CABCOCO1: variants seen among roughly 807,000 people sequenced by gnomAD.
CABCOCO1 encodes the protein ciliary-associated calcium-binding coiled-coil protein 1.
A neutral mutation model predicts 35.7 loss-of-function variants in CABCOCO1; 28 were observed. That is an observed-to-expected ratio of 0.78 (90% CI 0.58 to 1.07). The LOEUF (loss-of-function observed/expected upper bound fraction) is 1.07. Ranked by LOEUF, CABCOCO1 falls within the 50% of genes least tolerant of loss-of-function variation. The pLI, the probability that CABCOCO1 is intolerant of heterozygous loss-of-function variation, is 0.00. For missense variants in CABCOCO1, 326 were observed against 309.2 expected, an observed-to-expected ratio of 1.05 and a Z score of -0.41; for synonymous variants, 95 against 100.1, an observed-to-expected ratio of 0.95 and a Z score of 0.30.
chr10:61,678,145 A>C (rs1414743734), intron 2 of CABCOCO1, among the ~76,000 whole-genome samples: 1 of 152,048 alleles, frequency 6.6e-6, no homozygotes, highest in Non-Finnish European at 1.5e-5. Flanking sequence ...TGAAGAATTT[A>C]TACTTCCTCT....
At chr10:61,676,541 G>A (rs1160715834) in intron 2 of CABCOCO1, among the ~76,000 whole-genome samples, 1 of 152,106 alleles carries the variant, frequency 6.6e-6, no homozygotes, top group Non-Finnish European at 1.5e-5. Context: ...TTGAAAGTGA[G>A]TGATTGCAAA....
chr10:61,755,730 C>T (rs575742049), intron 5 of CABCOCO1, among the ~76,000 whole-genome samples: 12 of 152,056 alleles, frequency 7.9e-5, no homozygotes, highest in South Asian at 2.1e-4. Context: ...AAACACTACA[C>T]ACAAATCACT....
chr10:61,727,890 T>C (rs1441866354), intron 5 of CABCOCO1, among the ~76,000 whole-genome samples: 3 of 152,206 alleles, frequency 2.0e-5, no homozygotes, highest in African/African-American at 7.2e-5. Context: ...TCCCTCTATA[T>C]ATAAACTATT....
chr10:61,664,841 T>C lies in CABCOCO1; in HGVS notation c.60+1809T>C, dbSNP rs76314013. Among the ~76,000 whole-genome samples, 755 of 152,330 alleles carry C rather than the reference T, an allele frequency of 5.0e-3. 4 individuals carry two copies. Among genetic ancestry groups the C allele is most frequent in the African/African-American group, 0.017 (691 of 41,564 alleles). ...CTGATTGGGGGTGTCGTATGTTAGATAGAAAAATGGCAAGATTCTCTCTTG... is the reference window on the plus strand; with the variant it reads ...CTGATTGGGGGTGTCGTATGTTAGACAGAAAAATGGCAAGATTCTCTCTTG... On this transcript the variant is annotated intron_variant, in intron 1 of 7. Transcript: ENST00000648843.
intron 5 of CABCOCO1, among the ~76,000 whole-genome samples, chr10:61,701,108 T>C (rs1011873646): frequency 7.9e-5 from 12 of 152,042 alleles, no homozygotes; most frequent in African/African-American, 1.7e-4. Flanking sequence ...CACTTTCTCT[T>C]TCCTTTATGC....
At chr10:61,752,943 A>G (rs1399063649) in intron 5 of CABCOCO1, among the ~76,000 whole-genome samples, 1 of 152,156 alleles carries the variant, frequency 6.6e-6, no homozygotes, top group African/African-American at 2.4e-5. Flanking sequence ...GCCTCCTCCT[A>G]TTCAGGTAGT....
intron 5 of CABCOCO1, among the ~76,000 whole-genome samples, chr10:61,721,463 A>G (rs891619449): frequency 6.6e-6 from 1 of 152,160 alleles, no homozygotes; most frequent in Admixed American, 6.5e-5. Context: ...GATATTTGGG[A>G]GTAATTTTAT....
chr10:61,674,811 A>G (rs1287497707), intron 2 of CABCOCO1, among the ~76,000 whole-genome samples: 1 of 152,208 alleles, frequency 6.6e-6, no homozygotes, highest in Admixed American at 6.5e-5. Context: ...TACATTTCTC[A>G]TGATCACTTA....
intron 5 of CABCOCO1, among the ~76,000 whole-genome samples, chr10:61,742,269 C>T (rs1841565930): frequency 6.6e-6 from 1 of 152,126 alleles, no homozygotes; most frequent in Non-Finnish European, 1.5e-5. Context: ...ATGTTTTCTC[C>T]ATGCTGCCTA....
chr10:61,696,249 T>C (rs1840291934), intron 5 of CABCOCO1, among the ~76,000 whole-genome samples: 1 of 152,104 alleles, frequency 6.6e-6, no homozygotes, highest in South Asian at 2.1e-4. Flanking sequence ...ATTATATCCT[T>C]GGGGGAAGCA....
rs1006434560 is a variant in CABCOCO1 at position 61,727,191 on chromosome 10, A to G, written c.553-32868A>G. On this transcript the variant is annotated intron_variant, in intron 5 of 7. Coordinates refer to ENST00000648843, the MANE Select transcript of CABCOCO1 (RefSeq NM_001366906.2). ...TTTAGACTCCCATAGATCTTAACAC[A>G]GGGAAGTACTCAGTAAATATTTATT... 5.3e-5 allele frequency among the ~76,000 whole-genome samples: 8 copies of G among 152,356 alleles called. No individual in the cohort carries two copies. The South Asian group carries it at 6.2e-4, about 12-fold the overall frequency.
At chr10:61,732,788 G>C (rs1463756475) in intron 5 of CABCOCO1, among the ~76,000 whole-genome samples, 2 of 151,980 alleles carry the variant, frequency 1.3e-5, no homozygotes, top group African/African-American at 4.8e-5. Flanking sequence ...AAGATTACAA[G>C]TACTTTTATA....
chr10:61,686,586 C>T (rs1039142655), intron 4 of CABCOCO1, among the ~76,000 whole-genome samples: 1 of 151,968 alleles, frequency 6.6e-6, no homozygotes, highest in African/African-American at 2.4e-5. Context: ...TTCCAACTAC[C>T]TAATTCTACA....
At chr10:61,712,987 G>C (rs893589056) in intron 5 of CABCOCO1, among the ~76,000 whole-genome samples, 1 of 152,126 alleles carries the variant, frequency 6.6e-6, no homozygotes, top group African/African-American at 2.4e-5. Context: ...TTGGCAATGC[G>C]GGCTCTTTTT....
chr10:61,665,635 C>T (rs1225241411), intron 1 of CABCOCO1, among the ~76,000 whole-genome samples: 1 of 151,986 alleles, frequency 6.6e-6, no homozygotes, highest in African/African-American at 2.4e-5. Flanking sequence ...CGCCTGTAAT[C>T]CCAGCACTTT....
intron 2 of CABCOCO1, among the ~76,000 whole-genome samples, chr10:61,680,319 T>TATATATATATATTTATATACATAAAAA (rs1839673102): frequency 7.3e-6 from 1 of 137,220 alleles, no homozygotes; most frequent in Non-Finnish European, 1.5e-5. Flanking sequence ...TCAAAAAAAA[T>TATATATATATATTTATATACATAAAAA]ATATATATAT....
intron 5 of CABCOCO1, among the ~76,000 whole-genome samples, chr10:61,737,794 G>A (rs1352110119): frequency 6.6e-6 from 1 of 152,040 alleles, no homozygotes; most frequent in African/African-American, 2.4e-5. Flanking sequence ...ACAGACACTG[G>A]GGTCTACTTG....
intron 5 of CABCOCO1, among the ~76,000 whole-genome samples, chr10:61,705,717 T>G (rs1373979992): frequency 1.3e-5 from 2 of 152,208 alleles, no homozygotes; most frequent in Non-Finnish European, 2.9e-5. Flanking sequence ...ACATGTTAAC[T>G]AGGCAAACAT....
intron 5 of CABCOCO1, among the ~76,000 whole-genome samples, chr10:61,715,349 G>C (rs965192953): frequency 2.1e-4 from 31 of 149,222 alleles, no homozygotes; most frequent in African/African-American, 7.4e-4. Context: ...CTTTTTTTTT[G>C]CTTCCCATTT....
Sources: gnomAD v4.1 joint callset for allele counts (sites outside exome capture counted in the v4.1 genomes callset) on GRCh38, gnomAD v4.1.1 for gene constraint, MANE v1.5 for transcripts, NCBI Gene and HGNC (gene_info 2026-07-23, HGNC 2026-07-21) for gene names.